Variants in ADAM9 observed in about 807,000 individuals in gnomAD.
ADAM9 encodes the protein ADAM metallopeptidase domain 9, also known as disintegrin and metalloproteinase domain-containing protein 9.
In ADAM9, 54 loss-of-function variants were observed where a neutral mutation model predicts 108.1. The observed-to-expected ratio is 0.50, with a 90% CI of 0.40 to 0.63. The LOEUF (loss-of-function observed/expected upper bound fraction) is 0.63, where lower values mean the gene tolerates loss of function less well. ADAM9 is among the 20% of genes least tolerant of loss of function. ADAM9 has a pLI of 0.00. For synonymous variants in ADAM9, 316 were observed against 336.0 expected, an observed-to-expected ratio of 0.94 and a Z score of 0.65; for missense variants, 830 against 997.7, an observed-to-expected ratio of 0.83 and a Z score of 2.26.
chr8:39,085,022 T>C (rs575073177), intron 18 of ADAM9, among the ~76,000 whole-genome samples: 12 of 152,288 alleles, frequency 7.9e-5, no homozygotes, highest in Non-Finnish European at 1.2e-4. Context: ...TCCTATTAAT[T>C]AGTCAGCATG....
intron 20 of ADAM9, among the ~76,000 whole-genome samples, chr8:39,101,204 A>T (rs765277210): frequency 4.6e-5 from 7 of 152,242 alleles, no homozygotes; most frequent in Non-Finnish European, 8.8e-5. Context: ...AGTGGTAAAG[A>T]TATGTCAAAT....
chr8:39,032,149 T>G (rs1186986274), intron 11 of ADAM9, among the ~76,000 whole-genome samples: 4 of 152,242 alleles, frequency 2.6e-5, no homozygotes, highest in Non-Finnish European at 5.9e-5. Flanking sequence ...GAGGAGGCAG[T>G]CTGTCTGTTC....
At chr8:39,075,330 G>T (rs528219913) in intron 15 of ADAM9, among the ~76,000 whole-genome samples, 1 of 152,280 alleles carries the variant, frequency 6.6e-6, no homozygotes, top group African/African-American at 2.4e-5. Context: ...GATACTAAGT[G>T]GCAATGACCA....
At position 39,103,834 on chromosome 8, in the gene ADAM9, AAC is replaced by A. The variant is rs936234410; in HGVS notation, c.*138_*139del. 3 of 815,246 alleles carry A rather than the reference AAC, an allele frequency of 3.7e-6. No homozygotes were observed. The highest frequency in any genetic ancestry group is 4.0e-5 in the Admixed American group (2 of 50,542). 50.5% of individuals were successfully genotyped at this position (815,246 alleles called of 1,614,324 possible). ...AAAACACCACAAAACAGACTTCACT[AAC>A]ACAGAAAAACAGAAACTGAGTGTGA... On this transcript the variant is annotated 3_prime_UTR_variant, in exon 22 of 22. Transcript: ENST00000487273.
chr8:39,014,080 A>G, intron 4 of ADAM9, 37 bp downstream of exon 4: 2 of 1,548,318 alleles, frequency 1.3e-6, no homozygotes, highest in Non-Finnish European at 1.8e-6. Context: ...AGCAAATTTT[A>G]AAACAATTAT....
chr8:39,011,780 T>A, intron 3 of ADAM9, 64 bp downstream of exon 3: 2 of 1,452,968 alleles, frequency 1.4e-6, no homozygotes, highest in Non-Finnish European at 1.9e-6. Context: ...TGGTTTTCTT[T>A]CTAGTTTGAT....
At chr8:39,057,144 G>T (rs1838149990) in intron 14 of ADAM9, among the ~76,000 whole-genome samples, 1 of 152,006 alleles carries the variant, frequency 6.6e-6, no homozygotes, top group African/African-American at 2.4e-5. Context: ...GGAGCAATAG[G>T]CTGTACCACA....
chr8:38,997,569 G>A (rs1344508241), intron 1 of ADAM9, among the ~76,000 whole-genome samples: 1 of 152,240 alleles, frequency 6.6e-6, no homozygotes. Context: ...CAGGGAGGGA[G>A]CTGGCTCTCG....
chr8:39,073,475 T>C (rs541344724), intron 15 of ADAM9, among the ~76,000 whole-genome samples: 10 of 152,336 alleles, frequency 6.6e-5, no homozygotes, highest in South Asian at 4.1e-4. Flanking sequence ...TCATTAATTA[T>C]GTAGCTCTTT....
intron 8 of ADAM9, among the ~76,000 whole-genome samples, 177 bp downstream of exon 8, chr8:39,021,891 C>G (rs1588343855): frequency 6.6e-6 from 1 of 152,210 alleles, no homozygotes; most frequent in East Asian, 1.9e-4. Context: ...AAGGAAAGTA[C>G]CAGTGTAGAA....
intron 13 of ADAM9, among the ~76,000 whole-genome samples, 163 bp downstream of exon 13, chr8:39,054,736 C>T (rs532936047): frequency 6.6e-6 from 1 of 151,888 alleles, no homozygotes; most frequent in East Asian, 1.9e-4. Flanking sequence ...AAAGCACACT[C>T]TTTTACGTTA....
At chr8:38,998,564 C>T (rs1329107846) in intron 1 of ADAM9, among the ~76,000 whole-genome samples, 1 of 152,170 alleles carries the variant, frequency 6.6e-6, no homozygotes, top group East Asian at 1.9e-4. Flanking sequence ...AAAGTTTAGC[C>T]ACCGTTTATG....
intron 20 of ADAM9, among the ~76,000 whole-genome samples, chr8:39,091,903 G>A (rs1025821588): frequency 2.0e-5 from 3 of 152,172 alleles, no homozygotes; most frequent in Non-Finnish European, 2.9e-5. Context: ...GACATGGGAC[G>A]TATGCTATCA....
chr8:39,091,277 A>G lies in ADAM9; in HGVS notation c.2229A>G (p.Gln743=). The change falls in exon 20 of 22, where the codon CAA becomes CAG. Residue 743 remains glutamine, a synonymous_variant. Transcript: ENST00000487273. ...SQTYESDGKN[Q]ANPSRQPGSV... ...CTTTCAGGTCAGATGGCAAAAATCA[A>G]GCAAACCCTTCTAGACAGCCGGGGA... The G allele has an allele frequency of 1.2e-6, 2 of 1,614,166 alleles. No homozygotes were observed. The highest frequency in any genetic ancestry group is 1.7e-6 in the Non-Finnish European group (2 of 1,180,012).
At chr8:39,072,309 A>G (rs1279175688) in intron 15 of ADAM9, among the ~76,000 whole-genome samples, 2 of 152,012 alleles carry the variant, frequency 1.3e-5, no homozygotes, top group Non-Finnish European at 2.9e-5. Flanking sequence ...TACCCATTCT[A>G]CCTCCTATGC....
At chr8:39,024,306 A>G (rs1836851862) in intron 9 of ADAM9, among the ~76,000 whole-genome samples, 1 of 152,160 alleles carries the variant, frequency 6.6e-6, no homozygotes, top group African/African-American at 2.4e-5. Context: ...TGAGAATGCC[A>G]TCTAGTTCAC....
In ADAM9 at chr8:39,023,219, C is replaced by T; in HGVS notation, c.808C>T (p.Leu270=). 6.2e-7 allele frequency: 1 copy of T among 1,613,782 alleles called. No individual in the cohort carries two copies. Among genetic ancestry groups the T allele is most frequent in the Non-Finnish European group, 8.5e-7 (1 of 1,179,912 alleles). ...VGLEIWTNGN[L]INIVGGAGDV... is the part of the protein sequence containing the mutation. ...ACTGGAGATTTGGACCAATGGAAACCTGATCAACATAGTTGGGGGTGCTGG... is the reference window on the plus strand; with the variant it reads ...ACTGGAGATTTGGACCAATGGAAACTTGATCAACATAGTTGGGGGTGCTGG... Residue 270 remains leucine (L), a synonymous_variant, in exon 9 of 22, where the codon CTG becomes TTG. Coordinates refer to ENST00000487273, the MANE Select transcript of ADAM9 (RefSeq NM_003816.3).
In ADAM9 at chr8:39,040,084, C is replaced by G. The variant is rs1837411364; in HGVS notation, c.1131-1862C>G. ...TATTTATTTGAGACAGAGTCTCTCT[C>G]TGTTGCCCAAGCTGGAGTGCAGTGG... On this transcript the variant is annotated intron_variant, in intron 11 of 21. Coordinates refer to ENST00000487273, the MANE Select transcript of ADAM9 (RefSeq NM_003816.3). Among the ~76,000 whole-genome samples, 7 of 152,122 alleles carry G rather than the reference C, an allele frequency of 4.6e-5. 1 individual carries two copies. The South Asian group carries it at 1.5e-3, about 32-fold the overall frequency.
intron 4 of ADAM9, 181 bp downstream of exon 4, chr8:39,014,224 C>T (rs1168292738): frequency 6.5e-6 from 4 of 615,386 alleles, no homozygotes; most frequent in Non-Finnish European, 1.1e-5. Context: ...CTGTACCTTA[C>T]AGCTCTCCAG....
Sources: allele counts gnomAD v4.1 joint callset (sites outside exome capture counted in the v4.1 genomes callset), GRCh38; gene constraint gnomAD v4.1.1; transcripts MANE v1.5; gene names NCBI Gene and HGNC (gene_info 2026-07-23, HGNC 2026-07-21).